The following PRKDC variants were observed in gnomAD, a reference collection of about 807,000 sequenced individuals.
The protein encoded by PRKDC is DNA-dependent protein kinase catalytic subunit.
Under a neutral mutation model 486.9 loss-of-function variants are expected in PRKDC, and 82 were observed. That is an observed-to-expected ratio of 0.17 (90% CI 0.14 to 0.20). PRKDC has a LOEUF of 0.20. Among genes scored for constraint, PRKDC ranks in the 10% least tolerant of loss-of-function variants. The probability of loss-of-function intolerance (pLI) is 1.00; values close to 1 mark genes in which losing one functional copy is unlikely to be tolerated. For synonymous variants in PRKDC, 1,895 were observed against 1,837.0 expected, an observed-to-expected ratio of 1.03 and a Z score of -0.81; for missense variants, 4,504 against 5,038.2, an observed-to-expected ratio of 0.89 and a Z score of 3.21.
intron 73 of PRKDC, among the ~76,000 whole-genome samples, chr8:47,796,289 A>C (rs1343849533): frequency 6.6e-6 from 1 of 151,862 alleles, no homozygotes; most frequent in Non-Finnish European, 1.5e-5. Context: ...TGTCGAGCCG[A>C]GATCACGCCA....
At chr8:47,834,622 G>A (rs867437955) in intron 58 of PRKDC, among the ~76,000 whole-genome samples, 11 of 151,112 alleles carry the variant, frequency 7.3e-5, no homozygotes, top group South Asian at 2.1e-4. Flanking sequence ...TAAGAAACAC[G>A]CCACTTGCTC....
At chr8:47,889,994 T>G (rs967833038) in intron 32 of PRKDC, among the ~76,000 whole-genome samples, 3 of 152,176 alleles carry the variant, frequency 2.0e-5, no homozygotes, top group Admixed American at 6.5e-5. Flanking sequence ...ATACAGTTTT[T>G]GTCAACTAAA....
rs1307520186 is a variant in PRKDC, at chr8:47,785,225, C to T, written c.10995G>A (p.Met3665Ile). 1 of 1,613,746 alleles carries T rather than the reference C, an allele frequency of 6.2e-7. No homozygotes were observed. The highest frequency in any genetic ancestry group is 8.5e-7 in the Non-Finnish European group (1 of 1,179,834). ...AGTCTTTGTTCATTTTTAAAAGTAG[C>T]ATGTTGGTAATGTCGTTGAAGTCAC... Reference protein sequence around the residue: ...KLSDFNDITNMLLLKMNKDSK... With the variant: ...KLSDFNDITNILLLKMNKDSK... Residue 3665 changes from methionine (M) to isoleucine (I), a missense_variant, in exon 77 of 86, where the codon ATG becomes ATA. Physicochemically the swap from Met to Ile is conservative, Grantham distance 10 (BLOSUM62 1). This residue lies in a region of PRKDC where 706 missense variants were observed against 945.0 expected (regional missense o/e 0.75). Transcript: ENST00000314191.
rs745840283 is a variant in PRKDC, at chr8:47,800,786, G to A, written c.10116+7C>T. On this transcript the variant is annotated splice_region_variant and intron_variant, in intron 71 of 85. Transcript: ENST00000314191. ...CACACTAGCGTAAAACATTCCTCCA[G>A]TATTACCTTCTCTGAATCCTCTGAA... 16 of 1,600,874 alleles carry A rather than the reference G, an allele frequency of 1.0e-5. No individual in the cohort carries two copies. Among genetic ancestry groups the A allele is most frequent in the Admixed American group, 1.7e-5 (1 of 57,606 alleles).
intron 70 of PRKDC, among the ~76,000 whole-genome samples, chr8:47,801,920 C>G (rs1563741955): frequency 6.6e-6 from 1 of 152,156 alleles, no homozygotes; most frequent in Non-Finnish European, 1.5e-5. Flanking sequence ...GCTTATCATG[C>G]AAGGCTGTTA....
At chr8:47,898,627 A>G (rs1169258067) in intron 28 of PRKDC, 58 bp from the exon 29 acceptor site, 1 of 1,061,878 alleles carries the variant, frequency 9.4e-7, no homozygotes, top group African/African-American at 1.6e-5. Flanking sequence ...GATTATTATT[A>G]AATTTGTATT....
chr8:47,878,978 T>C (rs1212986740), intron 39 of PRKDC, among the ~76,000 whole-genome samples: 1 of 152,240 alleles, frequency 6.6e-6, no homozygotes, highest in African/African-American at 2.4e-5. Context: ...GCATTTCAGA[T>C]AAGGGATGCT....
intron 21 of PRKDC, among the ~76,000 whole-genome samples, chr8:47,925,725 T>C (rs1465026559): frequency 2.6e-5 from 4 of 152,212 alleles, no homozygotes; most frequent in Non-Finnish European, 4.4e-5. Flanking sequence ...CTTCGGCTTA[T>C]TCACAAACGG....
chr8:47,863,101 G>GA (rs1187503722), intron 42 of PRKDC, among the ~76,000 whole-genome samples: 4 of 152,074 alleles, frequency 2.6e-5, no homozygotes, highest in Non-Finnish European at 5.9e-5. Flanking sequence ...TTTTGTTACT[G>GA]AAAATCACAG....
chr8:47,844,941 C>T (rs1306766550), intron 54 of PRKDC, among the ~76,000 whole-genome samples: 3 of 152,088 alleles, frequency 2.0e-5, no homozygotes, highest in South Asian at 2.1e-4. Flanking sequence ...AAACCAAGTC[C>T]GGGTGCAGAG....
intron 3 of PRKDC, among the ~76,000 whole-genome samples, chr8:47,956,442 G>A (rs557376470): frequency 6.6e-6 from 1 of 151,014 alleles, no homozygotes; most frequent in South Asian, 2.1e-4. Context: ...GTTCGTGCCT[G>A]TAAGCAATTT....
At chr8:47,858,671 G>A in intron 47 of PRKDC, 36 bp from the exon 48 acceptor site, 2 of 1,453,722 alleles carry the variant, frequency 1.4e-6, no homozygotes, top group East Asian at 2.5e-5. Flanking sequence ...TTAAAACGTG[G>A]AATAAAATAA....
intron 54 of PRKDC, among the ~76,000 whole-genome samples, chr8:47,841,383 G>C (rs1318476509): frequency 6.8e-6 from 1 of 146,748 alleles, no homozygotes; most frequent in African/African-American, 2.5e-5. Context: ...TGTGGGTCTG[G>C]GGAGAGGCTG....
intron 63 of PRKDC, among the ~76,000 whole-genome samples, chr8:47,824,542 T>G (rs1318074768): frequency 1.3e-5 from 2 of 151,270 alleles, no homozygotes; most frequent in Non-Finnish European, 2.9e-5. Flanking sequence ...GATGTGTCAT[T>G]ACATAAGGTT....
At chr8:47,894,611 C>T (rs1473471110) in intron 30 of PRKDC, among the ~76,000 whole-genome samples, 3 of 152,106 alleles carry the variant, frequency 2.0e-5, no homozygotes, top group Non-Finnish European at 4.4e-5. Context: ...GCCTGGACCA[C>T]GCTGAGTCTC....
intron 21 of PRKDC, among the ~76,000 whole-genome samples, chr8:47,921,116 G>A (rs542954381): frequency 2.8e-4 from 43 of 152,188 alleles, no homozygotes; most frequent in South Asian, 1.7e-3. Context: ...TTAGCCAGGC[G>A]TGGTGGCGGG....
chr8:47,955,247 G>A (rs1432651452), intron 4 of PRKDC, among the ~76,000 whole-genome samples: 22 of 151,552 alleles, frequency 1.5e-4, no homozygotes, highest in African/African-American at 5.1e-4. Flanking sequence ...CGGATCACGA[G>A]GTCAGGAGAT....
intron 68 of PRKDC, 142 bp from the exon 69 acceptor site, chr8:47,807,468 G>C (rs2087238984): frequency 3.1e-6 from 2 of 653,758 alleles, no homozygotes; most frequent in East Asian, 6.1e-5. Flanking sequence ...GCCCAGGCTG[G>C]AGTGCAGTGG....
chr8:47,800,755 A>G, intron 71 of PRKDC, 38 bp downstream of exon 71: 1 of 1,544,318 alleles, frequency 6.5e-7, no homozygotes, highest in Non-Finnish European at 8.8e-7. Flanking sequence ...TTGAAGACAT[A>G]CACAGCACAC....
Sources: gnomAD v4.1 joint callset for allele counts (sites outside exome capture counted in the v4.1 genomes callset) on GRCh38, gnomAD v4.1.1 for gene constraint, gnomAD v4.1.1 regional missense constraint, MANE v1.5 for transcripts, NCBI Gene and HGNC (gene_info 2026-07-23, HGNC 2026-07-21) for gene names.